Variants in FAM13C observed in about 807,000 individuals in gnomAD.
The protein encoded by FAM13C is family with sequence similarity 13 member C.
Under a neutral mutation model 73.2 loss-of-function variants are expected in FAM13C, and 37 were observed. The observed-to-expected ratio is 0.51, with a 90% CI of 0.39 to 0.67. The LOEUF (loss-of-function observed/expected upper bound fraction) is 0.67, where lower values mean the gene tolerates loss of function less well. FAM13C is among the 30% of genes least tolerant of loss of function. FAM13C has a pLI of 0.00. For synonymous variants in FAM13C, 246 were observed against 260.9 expected (o/e 0.94, Z 0.55); for missense variants, 589 against 715.6 (o/e 0.82, Z 2.02).
intron 3 of FAM13C, among the ~76,000 whole-genome samples, chr10:59,332,866 C>G (rs1852187080): frequency 6.6e-6 from 1 of 152,138 alleles, no homozygotes; most frequent in African/African-American, 2.4e-5. Context: ...CACTTCTCAG[C>G]CACATGGCCT....
Position 59,254,335 on chromosome 10 carries a change from T to C in FAM13C, c.1332+13A>G. 1 of 1,516,390 alleles carries C rather than the reference T, an allele frequency of 6.6e-7. No individual in the cohort carries two copies. Among genetic ancestry groups the C allele is most frequent in the Non-Finnish European group, 9.0e-7 (1 of 1,117,092 alleles). 93.9% of individuals were successfully genotyped at this position (1,516,390 alleles called of 1,614,324 possible). ...TCAGTACAAAGTAACAGCATGCAAG[T>C]ATCCTGACTTACAATTGTTGGAATA... On this transcript the variant is annotated intron_variant, in intron 11 of 13. Coordinates refer to ENST00000618804, the MANE Select transcript of FAM13C (RefSeq NM_198215.4).
At chr10:59,326,996 T>A (rs1389532793) in intron 3 of FAM13C, among the ~76,000 whole-genome samples, 1 of 152,156 alleles carries the variant, frequency 6.6e-6, no homozygotes, top group African/African-American at 2.4e-5. Context: ...ATAAGTCTTT[T>A]AGGAAAAAAA....
At chr10:59,283,573 G>A (rs369700035) in intron 5 of FAM13C, 126 bp from the exon 6 acceptor site, 9 of 904,044 alleles carry the variant, frequency 1.0e-5, no homozygotes, top group Middle Eastern at 2.2e-4. Context: ...CAGTGTGTCC[G>A]CAGCTCCCGC....
chr10:59,360,402 C>G (rs1352890130), intron 1 of FAM13C, among the ~76,000 whole-genome samples: 1 of 152,082 alleles, frequency 6.6e-6, no homozygotes, highest in Non-Finnish European at 1.5e-5. Flanking sequence ...GGCAGAGGAG[C>G]TCTTCTTGTA....
At chr10:59,362,807 C>T (rs1186530490), upstream of FAM13C, 4 of 340,616 alleles carry the variant, frequency 1.2e-5, no homozygotes, top group Non-Finnish European at 2.1e-5. Context: ...GTGCCAGCCA[C>T]CCCCCGAGGC....
intron 13 of FAM13C, among the ~76,000 whole-genome samples, chr10:59,248,846 A>T (rs1361479191): frequency 6.6e-6 from 1 of 152,184 alleles, no homozygotes; most frequent in Non-Finnish European, 1.5e-5. Context: ...AACACTATTT[A>T]TTGCCCTGCA....
chr10:59,250,357 T>C (rs1412574317), intron 13 of FAM13C, among the ~76,000 whole-genome samples: 1 of 152,236 alleles, frequency 6.6e-6, no homozygotes, highest in Non-Finnish European at 1.5e-5. Flanking sequence ...TCTAAATTTA[T>C]GAGCCACATA....
Position 59,254,856 on chromosome 10 carries a change from C to T in FAM13C, c.1237-413G>A, listed in dbSNP as rs182088258. On this transcript the variant is annotated intron_variant, in intron 10 of 13. Transcript: ENST00000618804. ...CTGACCTCAAGTGATCAGCCTGCCT[C>T]GGCCCCCAGTTACAGGTGTGAGCCA... Among the ~76,000 whole-genome samples the T allele has an allele frequency of 7.2e-5, 11 of 152,162 alleles. No individual in the cohort carries two copies. The South Asian group carries it at 1.5e-3, about 20-fold the overall frequency.
At chr10:59,259,362 A>G (rs888736275) in intron 10 of FAM13C, among the ~76,000 whole-genome samples, 2 of 152,146 alleles carry the variant, frequency 1.3e-5, no homozygotes, top group African/African-American at 4.8e-5. Context: ...TAAGGCAAGG[A>G]CCCCAGATGA....
At chr10:59,297,439 A>G (rs533303905) in intron 5 of FAM13C, among the ~76,000 whole-genome samples, 1 of 152,260 alleles carries the variant, frequency 6.6e-6, no homozygotes, top group Admixed American at 6.5e-5. Flanking sequence ...CTCACTGTTG[A>G]GTCTACCAAT....
At chr10:59,340,016 A>G (rs1284453143) in intron 3 of FAM13C, among the ~76,000 whole-genome samples, 1 of 152,220 alleles carries the variant, frequency 6.6e-6, no homozygotes, top group Admixed American at 6.5e-5. Context: ...TTAGTTCACA[A>G]GTAAGTAAGA....
intron 3 of FAM13C, among the ~76,000 whole-genome samples, chr10:59,347,945 G>A (rs1802819935): frequency 6.6e-6 from 1 of 152,070 alleles, no homozygotes; most frequent in African/African-American, 2.4e-5. Context: ...CATTTCAGTT[G>A]GTTCCAAGTC....
At chr10:59,279,981 G>T (rs999246996) in intron 6 of FAM13C, among the ~76,000 whole-genome samples, 2 of 152,156 alleles carry the variant, frequency 1.3e-5, no homozygotes, top group African/African-American at 4.8e-5. Context: ...CACATGGAGG[G>T]AAGAGGGCAA....
chr10:59,252,256 T>C (rs1203820684), intron 12 of FAM13C, among the ~76,000 whole-genome samples: 1 of 152,146 alleles, frequency 6.6e-6, no homozygotes, highest in Non-Finnish European at 1.5e-5. Context: ...AACTCATGTA[T>C]GGTTTCAGAG....
At chr10:59,316,411 T>G (rs1490460497) in intron 4 of FAM13C, among the ~76,000 whole-genome samples, 1 of 152,194 alleles carries the variant, frequency 6.6e-6, no homozygotes, top group East Asian at 1.9e-4. Context: ...TATAAGTAAC[T>G]GCAATATCAA....
chr10:59,316,838 A>G (rs1849587482), intron 4 of FAM13C, among the ~76,000 whole-genome samples: 2 of 152,314 alleles, frequency 1.3e-5, no homozygotes, highest in African/African-American at 2.4e-5. Context: ...AGTGTATTTT[A>G]TGATATGGAA....
intron 1 of FAM13C, among the ~76,000 whole-genome samples, chr10:59,356,792 A>G (rs1291198533): frequency 6.6e-6 from 1 of 152,182 alleles, no homozygotes; most frequent in Non-Finnish European, 1.5e-5. Flanking sequence ...AAGGAGATTA[A>G]CATTTGAGTC....
intron 3 of FAM13C, among the ~76,000 whole-genome samples, chr10:59,328,284 G>A (rs1851458842): frequency 6.6e-6 from 1 of 152,144 alleles, no homozygotes; most frequent in South Asian, 2.1e-4. Context: ...AACTCAAGAG[G>A]CTCAAAACTC....
At chr10:59,293,941 A>G (rs1474407443) in intron 5 of FAM13C, among the ~76,000 whole-genome samples, 2 of 152,216 alleles carry the variant, frequency 1.3e-5, no homozygotes, top group Admixed American at 1.3e-4. Context: ...TTCAGCAGTA[A>G]TATTTTCTAA....
Sources: allele counts gnomAD v4.1 joint callset (sites outside exome capture counted in the v4.1 genomes callset), GRCh38; gene constraint gnomAD v4.1.1; transcripts MANE v1.5; gene names NCBI Gene and HGNC (gene_info 2026-07-23, HGNC 2026-07-21).